The following MAP4 variants were observed in gnomAD, a reference collection of about 807,000 sequenced individuals.
The protein encoded by MAP4 is microtubule associated protein 4.
Under a neutral mutation model 170.2 loss-of-function variants are expected in MAP4, and 76 were observed. The observed-to-expected ratio is 0.45, with a 90% confidence interval of 0.37 to 0.54. The LOEUF is 0.54. MAP4 is among the 20% of genes least tolerant of loss of function. The pLI, the probability that MAP4 is intolerant of heterozygous loss-of-function variation, is 0.00. For synonymous variants in MAP4, 909 were observed against 994.5 expected (o/e 0.91, Z 1.62); for missense variants, 2,506 against 2,748.0 (o/e 0.91, Z 1.97).
chr3:47,939,106 C>T (rs1484990859), intron 3 of MAP4, among the ~76,000 whole-genome samples: 1 of 152,144 alleles, frequency 6.6e-6, no homozygotes, highest in East Asian at 1.9e-4. Context: ...TGATCCCCTG[C>T]TTGAAATGTC....
intron 1 of MAP4, among the ~76,000 whole-genome samples, chr3:48,077,619 C>G (rs999954781): frequency 1.3e-5 from 2 of 151,518 alleles, no homozygotes; most frequent in African/African-American, 4.8e-5. Context: ...GGATTACAGG[C>G]ATGTGCCACC....
chr3:47,991,576 C>G (rs1397811156), intron 2 of MAP4, among the ~76,000 whole-genome samples: 1 of 152,130 alleles, frequency 6.6e-6, no homozygotes, highest in Non-Finnish European at 1.5e-5. Flanking sequence ...GCAGGAGGAA[C>G]GTTTGAGCCC....
At chr3:48,069,745 T>C (rs1481463149) in intron 1 of MAP4, among the ~76,000 whole-genome samples, 4 of 152,184 alleles carry the variant, frequency 2.6e-5, no homozygotes, top group African/African-American at 9.7e-5. Flanking sequence ...CTGACACTCT[T>C]AAAATATACT....
chr3:47,853,510 G>A lies in MAP4; in HGVS notation c.6697-158C>T, dbSNP rs1159571962. On this transcript the variant is annotated intron_variant, in intron 19 of 20. Coordinates refer to ENST00000683076, the MANE Select transcript of MAP4 (RefSeq NM_001385682.1). Reference sequence around the variant, plus strand: ...TTGGAGAATCCCAGGCAGGTGCCCCGGCCCCACCCACCCCACCTCACCTGG... The same window carrying A: ...TTGGAGAATCCCAGGCAGGTGCCCCAGCCCCACCCACCCCACCTCACCTGG... Among the ~76,000 whole-genome samples, 10 of 73,014 alleles carry A rather than the reference G, an allele frequency of 1.4e-4. No homozygotes were observed. The East Asian group carries it at 2.9e-3, about 21-fold the overall frequency. The allele number at this position is 73,014 out of a possible 152,430, so 47.9% of individuals were successfully genotyped here.
intron 18 of MAP4, 84 bp downstream of exon 18, chr3:47,857,347 C>T: frequency 9.0e-7 from 1 of 1,106,038 alleles, no homozygotes. Flanking sequence ...AGATGAAACC[C>T]TTGCCAGCCA....
chr3:47,857,584 TAA>T, intron 17 of MAP4, 72 bp from the exon 18 acceptor site: 53 of 1,015,056 alleles, frequency 5.2e-5, no homozygotes, highest in Middle Eastern at 2.0e-4. Context: ...TGCTACCTTT[TAA>T]ATCTTCTCCA....
chr3:48,044,712 C>T (rs575065649), intron 1 of MAP4, among the ~76,000 whole-genome samples: 299 of 151,380 alleles, frequency 2.0e-3, no homozygotes, highest in South Asian at 4.8e-3. Context: ...ACAGAGGTTG[C>T]GTGAGCTGAG....
At position 47,914,958 on chromosome 3, in the gene MAP4, G is replaced by C. The variant is rs1388572933; in HGVS notation, c.1877-19C>G. ...ACGGTTTCTAAAGGTAATAACAAAA[G>C]CCACACACGTTTCAGAGAAGCATGA... On this transcript the variant is annotated intron_variant, in intron 7 of 20. Coordinates refer to ENST00000683076, the MANE Select transcript of MAP4 (RefSeq NM_001385682.1). 6.2e-7 allele frequency: 1 copy of C among 1,613,730 alleles called. No individual in the cohort carries two copies. The highest frequency in any genetic ancestry group is 2.2e-5 in the East Asian group (1 of 44,874).
rs562097736 is a variant in MAP4 at position 47,910,428 on chromosome 3, CT to C, written c.3992del (p.Gln1331ArgfsTer9). The C allele has an allele frequency of 1.4e-4, 214 of 1,536,106 alleles. No individual in the cohort carries two copies. The highest frequency in any genetic ancestry group is 1.8e-4 in the Non-Finnish European group (209 of 1,146,888). On this transcript the variant is annotated frameshift_variant, in exon 9 of 21. Coordinates refer to ENST00000683076, the MANE Select transcript of MAP4 (RefSeq NM_001385682.1). LOFTEE classifies it high-confidence loss of function. ...CTACTGAAGGAACAAATCCTGCCCC[CT>C]GGATTTGCTCTTGGCAGCTCACATC... ...VTDVSCQEQI[Q>X]GAGFVPSVVS...
At chr3:48,057,646 GAAAA>G (rs569379277) in intron 1 of MAP4, among the ~76,000 whole-genome samples, 9 of 131,966 alleles carry the variant, frequency 6.8e-5, no homozygotes, top group Admixed American at 4.6e-4. Flanking sequence ...AGAAAAAAAA[GAAAA>G]AAAAAAAAAA....
intron 3 of MAP4, among the ~76,000 whole-genome samples, chr3:47,952,226 C>CCGCCCGG (rs1253808966): frequency 5.9e-5 from 9 of 151,548 alleles, no homozygotes; most frequent in African/African-American, 2.2e-4. Context: ...AGGAGCATCT[C>CCGCCCGG]CACCCGGCAG....
In MAP4 at chr3:47,911,566, A is replaced by C; in HGVS notation, c.2855T>G (p.Leu952Trp). ...IRLKEGCSPF[L>W]DQEVMGVVSK... The stretch of plus-strand genomic sequence containing the variant: ...AACTACACCCATAACCTCTTGGTCC[A>C]AGAAAGGAGAGCAACCCTCTTTAAG... The change falls in exon 9 of 21, where the codon TTG becomes TGG. Residue 952 changes from leucine to tryptophan, a missense_variant. By Grantham distance (61) the Leu-to-Trp change is moderately conservative. This residue lies in a region of MAP4 where 2,008 missense variants were observed against 2,206.0 expected (regional missense o/e 0.91). Transcript: ENST00000683076. The surrounding 1 kb of genome is among the most constrained non-coding windows in gnomAD (Gnocchi z 4.0). The C allele has an allele frequency of 6.5e-7, 1 of 1,536,148 alleles. No homozygotes were observed. Among genetic ancestry groups the C allele is most frequent in the Non-Finnish European group, 8.7e-7 (1 of 1,146,920 alleles).
chr3:48,061,621 G>A (rs1380664535), intron 1 of MAP4, among the ~76,000 whole-genome samples: 3 of 150,840 alleles, frequency 2.0e-5, no homozygotes, highest in East Asian at 2.0e-4. Context: ...CACCCCGTCT[G>A]GGAAGTGAGG....
chr3:48,065,782 G>A (rs1375603108), intron 1 of MAP4, among the ~76,000 whole-genome samples: 1 of 152,126 alleles, frequency 6.6e-6, no homozygotes, highest in Non-Finnish European at 1.5e-5. Flanking sequence ...TTAACACCAA[G>A]GCTAACTTCT....
In MAP4 at chr3:47,891,357, T is replaced by C. The variant is rs569136856; in HGVS notation, c.5434+11593A>G. On this transcript the variant is annotated intron_variant, in intron 10 of 20. Coordinates refer to ENST00000683076, the MANE Select transcript of MAP4 (RefSeq NM_001385682.1). ...CAGATGAAAGGAGGTATCTCTTTAG[T>C]AGACAAGATGGGCAGTTTCCCAGGG... The C allele has an allele frequency of 4.2e-5, 65 of 1,536,006 alleles. No individual in the cohort carries two copies. The Middle Eastern group carries it at 8.3e-4, about 20-fold the overall frequency.
chr3:47,918,811 G>A lies in MAP4; in HGVS notation c.560C>T (p.Pro187Leu), dbSNP rs1326464252. 2.5e-6 allele frequency: 4 copies of A among 1,613,002 alleles called. No homozygotes were observed. Among genetic ancestry groups the A allele is most frequent in the Admixed American group, 1.7e-5 (1 of 59,996 alleles). ...TAAGGCTTCCACAGACCACCCCTGAGGTACAACAGCTGTGTTGCAGGGAGA... is the reference window on the plus strand; with the variant it reads ...TAAGGCTTCCACAGACCACCCCTGAAGTACAACAGCTGTGTTGCAGGGAGA... ...GMSPCNTAVV[P>L]QGWSVEALNS... The change falls in exon 6 of 21, where the codon CCT becomes CTT. Residue 187 changes from proline (P) to leucine (L), a missense_variant. Around this residue, in one of 3 missense-constraint regions of MAP4, gnomAD observed 2,008 missense variants for 2,206.0 expected, o/e 0.91. Transcript: ENST00000683076.
At chr3:48,087,474 G>A (rs966473247) in intron 1 of MAP4, among the ~76,000 whole-genome samples, 1 of 152,036 alleles carries the variant, frequency 6.6e-6, no homozygotes. Context: ...AAGGCCTAGA[G>A]CAGCTGTATT....
chr3:47,912,358 C>A lies in MAP4; in HGVS notation c.2063G>T (p.Arg688Leu). The A allele has an allele frequency of 3.3e-6, 5 of 1,535,174 alleles. No individual in the cohort carries two copies. The highest frequency in any genetic ancestry group is 4.4e-6 in the Non-Finnish European group (5 of 1,146,276). Residue 688 changes from arginine (R) to leucine (L), a missense_variant, in exon 9 of 21, where the codon CGC becomes CTC. Arg to Leu is a moderately radical substitution (Grantham distance 102). Coordinates refer to ENST00000683076, the MANE Select transcript of MAP4 (RefSeq NM_001385682.1). ...QAKQVCRPSDRRSTRPKPARV... is the reference protein window; with the variant it reads ...QAKQVCRPSDLRSTRPKPARV... ...GGCAGGCTTGGGCCGGGTTGACCTG[C>A]GGTCACTGGGTCTGCAAACTTGTTT...
At position 47,852,759 on chromosome 3, in the gene MAP4, G is replaced by A; in HGVS notation, c.*175C>T. 1 of 1,541,606 alleles carries A rather than the reference G, an allele frequency of 6.5e-7. No individual in the cohort carries two copies. ...GCAGGAGGGAAGGCGAGCCTAGCGG[G>A]CTGCCCAGCACGGCGCCCAAGCGCT... On this transcript the variant is annotated 3_prime_UTR_variant, in exon 21 of 21. Coordinates refer to ENST00000683076, the MANE Select transcript of MAP4 (RefSeq NM_001385682.1).
Sources: allele counts gnomAD v4.1 joint callset (sites outside exome capture counted in the v4.1 genomes callset), GRCh38; gene constraint gnomAD v4.1.1; regional missense constraint gnomAD v4.1.1; non-coding constraint Gnocchi (gnomAD v3.1); transcripts MANE v1.5; gene names NCBI Gene and HGNC (gene_info 2026-07-23, HGNC 2026-07-21).